TRIM66: variants seen among roughly 807,000 people sequenced by gnomAD.
The protein encoded by TRIM66 is tripartite motif-containing protein 66.
In TRIM66, 99 loss-of-function variants were observed where a neutral mutation model predicts 148.2. The ratio of observed to expected loss-of-function variants is 0.67; its 90% CI spans 0.57 to 0.79. The LOEUF (loss-of-function observed/expected upper bound fraction) is 0.79. Among genes scored for constraint, TRIM66 ranks in the 30% least tolerant of loss-of-function variants. TRIM66 has a pLI of 0.00. For missense variants in TRIM66, 1,666 were observed against 1,697.9 expected (o/e 0.98, Z 0.33); for synonymous variants, 616 against 635.9 (o/e 0.97, Z 0.47).
chr11:8,657,322 G>A (rs1168982272), intron 6 of TRIM66, among the ~76,000 whole-genome samples: 1 of 152,128 alleles, frequency 6.6e-6, no homozygotes. Context: ...GCTGGGGTCC[G>A]AGCTCTGATC....
chr11:8,672,487 A>C, intron 4 of TRIM66, 102 bp from the exon 5 acceptor site: 1 of 1,276,070 alleles, frequency 7.8e-7, no homozygotes, highest in Middle Eastern at 2.0e-4. Context: ...CACTTTTACA[A>C]ATTAAATAAA....
Position 8,625,243 on chromosome 11 carries a change from A to G in TRIM66, c.2311-15T>C. On this transcript the variant is annotated splice_polypyrimidine_tract_variant and intron_variant, in intron 15 of 24. Transcript: ENST00000646038. ...GAGGTGGAGTGCTGCAGGAACAGAG[A>G]CAAGGGGTAGAGTCAGGCTGCTAGC... The G allele has an allele frequency of 1.3e-6, 2 of 1,484,872 alleles. No homozygotes were observed. Among genetic ancestry groups the G allele is most frequent in the Non-Finnish European group, 1.8e-6 (2 of 1,111,642 alleles). The allele number at this position is 1,484,872 out of a possible 1,614,324, so 92.0% of individuals were successfully genotyped here.
intron 3 of TRIM66, among the ~76,000 whole-genome samples, chr11:8,678,812 C>G (rs918771439): frequency 6.6e-6 from 1 of 152,172 alleles, no homozygotes; most frequent in Non-Finnish European, 1.5e-5. Context: ...AATTCAGGAA[C>G]CCAGTGAGGA....
chr11:8,628,787 T>C (rs555611863), intron 15 of TRIM66, among the ~76,000 whole-genome samples: 3 of 152,074 alleles, frequency 2.0e-5, no homozygotes, highest in East Asian at 3.9e-4. Flanking sequence ...CCCTCCTCTC[T>C]CATGAGCTCC....
intron 22 of TRIM66, 100 bp from the exon 23 acceptor site, chr11:8,619,635 T>C: frequency 8.6e-7 from 1 of 1,161,900 alleles, no homozygotes; most frequent in South Asian, 1.8e-5. Context: ...AGGTGAAATA[T>C]AAGTGAAAGA....
chr11:8,676,646 G>A (rs1330421352), intron 3 of TRIM66, among the ~76,000 whole-genome samples: 1 of 152,218 alleles, frequency 6.6e-6, no homozygotes, highest in African/African-American at 2.4e-5. Flanking sequence ...TTAATTTAAA[G>A]GCACAGCCAC....
chr11:8,649,845 A>G lies in TRIM66; in HGVS notation c.487T>C (p.Cys163Arg). The G allele has an allele frequency of 6.4e-7, 1 of 1,551,698 alleles. No homozygotes were observed. Among genetic ancestry groups the G allele is most frequent in the Non-Finnish European group, 8.7e-7 (1 of 1,146,994 alleles). ...CKEKRAAHIL[C>R]TYCNRWLCSS... ...CACAGCCAGCGATTGCAGTAGGTGCAGAGGATATGTGCTGCCCTCTTCTCC... is the reference window on the plus strand; with the variant it reads ...CACAGCCAGCGATTGCAGTAGGTGCGGAGGATATGTGCTGCCCTCTTCTCC... The change falls in exon 8 of 25, where the codon TGC (cysteine) becomes CGC (arginine). Residue 163 changes from cysteine (C) to arginine (R), a missense_variant. Transcript: ENST00000646038.
rs888926365 is a variant in TRIM66 at position 8,613,161 on chromosome 11, T to C, written c.*4783A>G. ...AGGAGCAGCTGTGATTCTTCCTCCC[T>C]ACCCAACTCCTGAAAAGAAGAGACC... On this transcript the variant is annotated 3_prime_UTR_variant, in exon 25 of 25. Transcript: ENST00000646038. The C allele has an allele frequency of 6.6e-6, 1 of 152,202 alleles. No individual in the cohort carries two copies. The highest frequency in any genetic ancestry group is 1.9e-4 in the East Asian group (1 of 5,182). The allele number at this position is 152,202 out of a possible 1,614,324, so 9.4% of individuals were successfully genotyped here. A position where few individuals can be genotyped will look rare whatever the true frequency, so the allele number is the denominator to read the frequency against.
intron 15 of TRIM66, among the ~76,000 whole-genome samples, chr11:8,632,447 GTTGA>G (rs1438377915): frequency 2.2e-5 from 3 of 135,474 alleles, no homozygotes; most frequent in African/African-American, 8.3e-5. Flanking sequence ...AGTTTCACAT[GTTGA>G]TTTTTTTTTT....
chr11:8,628,636 A>AAAAAAAAAAAAAAAAAAAGAGAGAG lies in TRIM66; in HGVS notation c.2311-3409_2311-3408insCTCTCTCTTTTTTTTTTTTTTTTTT, dbSNP rs1555042270. On this transcript the variant is annotated intron_variant, in intron 15 of 24. Transcript: ENST00000646038. ...TCAAAAAAAAAAAAAAAAAAAAAAA[A>AAAAAAAAAAAAAAAAAAAGAGAGAG]AGAGAGAGAATCCAGATCTTTGGTA... Among the ~76,000 whole-genome samples the AAAAAAAAAAAAAAAAAAAGAGAGAG allele has an allele frequency of 6.0e-3, 558 of 93,018 alleles. 30 individuals carry two copies. Among genetic ancestry groups the AAAAAAAAAAAAAAAAAAAGAGAGAG allele is most frequent in the Non-Finnish European group, 9.9e-3 (421 of 42,698 alleles). 61.0% of individuals were successfully genotyped at this position (93,018 alleles called of 152,430 possible).
Position 8,621,709 on chromosome 11 carries a change from T to C in TRIM66, c.3191A>G (p.Asp1064Gly), listed in dbSNP as rs2034233355. The change falls in exon 19 of 25, where the codon GAT becomes GGT. Residue 1064 changes from aspartate (D) to glycine (G), a missense_variant. Coordinates refer to ENST00000646038, the MANE Select transcript of TRIM66 (RefSeq NM_001388022.1). ...GATCAGCAGGAAGCTCCCATCCTGA[T>C]CATTCTTCTGTGGCTTCAGTTTGAA... ...PVFKLKPQKN[D>G]QDGSFLLIIE... 2 of 1,551,696 alleles carry C rather than the reference T, an allele frequency of 1.3e-6. No individual in the cohort carries two copies. Among genetic ancestry groups the C allele is most frequent in the African/African-American group, 1.4e-5 (1 of 73,040 alleles).
chr11:8,628,567 C>T (rs574006637), intron 15 of TRIM66, among the ~76,000 whole-genome samples: 4 of 139,268 alleles, frequency 2.9e-5, no homozygotes, highest in South Asian at 2.3e-4. Flanking sequence ...GAGCCAAGAT[C>T]GTGCCACTAC....
chr11:8,665,974 T>C (rs1271594990), intron 6 of TRIM66, among the ~76,000 whole-genome samples: 1 of 151,762 alleles, frequency 6.6e-6, no homozygotes, highest in Non-Finnish European at 1.5e-5. Context: ...AGGAAGTTTA[T>C]TCAACTTTTT....
At chr11:8,682,694 C>T (rs1057036544), upstream of TRIM66, 10 of 1,210,934 alleles carry the variant, frequency 8.3e-6, no homozygotes, top group East Asian at 4.8e-5. Flanking sequence ...CCCGCGAGAC[C>T]AGGAGGCCCC....
At chr11:8,633,437 CA>C (rs1565499508) in intron 15 of TRIM66, among the ~76,000 whole-genome samples, 1 of 152,108 alleles carries the variant, frequency 6.6e-6, no homozygotes, top group Non-Finnish European at 1.5e-5. Context: ...GAGACCTAGA[CA>C]AAAATCTTAG....
chr11:8,674,962 T>C (rs2039108494), intron 3 of TRIM66, 79 bp from the exon 4 acceptor site: 1 of 152,224 alleles, frequency 6.6e-6, no homozygotes, highest in African/African-American at 2.4e-5. Context: ...AATTCAACAG[T>C]GGTAGTAGTT....
rs1257735772 is a variant in TRIM66, at chr11:8,646,669, G to A, written c.843-108C>T. The A allele has an allele frequency of 6.4e-6, 5 of 776,726 alleles. No homozygotes were observed. In the Admixed American group the frequency reaches 9.7e-5, roughly 15 times the overall value. 48.1% of individuals were successfully genotyped at this position (776,726 alleles called of 1,614,324 possible). A position where few individuals can be genotyped will look rare whatever the true frequency, so the allele number is the denominator to read the frequency against. ...CTTGGAGGCTGCCTACTGAGATCAG[G>A]GCCTAGCAGACACCAAATACAAAAA... On this transcript the variant is annotated intron_variant, in intron 10 of 24. Transcript: ENST00000646038.
chr11:8,662,403 A>G (rs1482587081), intron 6 of TRIM66, among the ~76,000 whole-genome samples: 1 of 152,094 alleles, frequency 6.6e-6, no homozygotes, highest in Non-Finnish European at 1.5e-5. Context: ...GGATATTCCT[A>G]AAGTCCCAAG....
chr11:8,668,885 C>T (rs1438815048), intron 6 of TRIM66, among the ~76,000 whole-genome samples: 2 of 152,094 alleles, frequency 1.3e-5, no homozygotes, highest in Non-Finnish European at 2.9e-5. Context: ...CGCGCCCAGT[C>T]CCAAGATGGC....
Sources: gnomAD v4.1 joint callset for allele counts (sites outside exome capture counted in the v4.1 genomes callset) on GRCh38, gnomAD v4.1.1 for gene constraint, MANE v1.5 for transcripts, NCBI Gene and HGNC (gene_info 2026-07-23, HGNC 2026-07-21) for gene names.